Variants in TBC1D32 observed in about 807,000 individuals in gnomAD.
The protein encoded by TBC1D32 is protein broad-minded.
TBC1D32 carries 151 observed loss-of-function variants against 170.3 expected under a neutral mutation model. The observed-to-expected ratio is 0.89, with a 90% confidence interval of 0.78 to 1.01. TBC1D32 has a LOEUF of 1.01. TBC1D32 is among the 50% of genes least tolerant of loss of function. TBC1D32 has a pLI of 0.00. For synonymous variants in TBC1D32, 498 were observed against 488.0 expected (o/e 1.02, Z -0.27); for missense variants, 1,464 against 1,457.1 (o/e 1.00, Z -0.08).
chr6:121,213,292 T>C (rs1056380990), intron 21 of TBC1D32, among the ~76,000 whole-genome samples: 2 of 151,898 alleles, frequency 1.3e-5, no homozygotes, highest in African/African-American at 4.8e-5. Context: ...ATTCTATATC[T>C]AGAGAACCCC....
At chr6:121,299,840 G>A (rs968057608) in intron 9 of TBC1D32, among the ~76,000 whole-genome samples, 2 of 152,034 alleles carry the variant, frequency 1.3e-5, no homozygotes, top group African/African-American at 4.8e-5. Context: ...GATACATAGT[G>A]GGGAAAAAAA....
chr6:121,159,440 A>T (rs1255192800), intron 24 of TBC1D32, among the ~76,000 whole-genome samples: 5 of 152,198 alleles, frequency 3.3e-5, no homozygotes, highest in African/African-American at 1.2e-4. Context: ...TTGCTACTGG[A>T]CAGATCAGCT....
At chr6:121,145,091 G>T (rs1009176812) in intron 24 of TBC1D32, among the ~76,000 whole-genome samples, 9 of 152,126 alleles carry the variant, frequency 5.9e-5, no homozygotes, top group African/African-American at 2.2e-4. Context: ...AGAGTAATGG[G>T]AATACTCAGC....
intron 30 of TBC1D32, among the ~76,000 whole-genome samples, chr6:121,104,152 A>C (rs1164136682): frequency 2.0e-5 from 3 of 151,834 alleles, no homozygotes; most frequent in African/African-American, 4.8e-5. Context: ...CTCATATCAT[A>C]ATATCAAGAA....
At chr6:121,105,524 C>T (rs984910347) in intron 30 of TBC1D32, among the ~76,000 whole-genome samples, 23 of 151,886 alleles carry the variant, frequency 1.5e-4, no homozygotes, top group African/African-American at 5.6e-4. Context: ...TGGCTATACA[C>T]AGAAAGAAGG....
intron 24 of TBC1D32, among the ~76,000 whole-genome samples, chr6:121,143,770 C>G (rs1039844832): frequency 3.3e-5 from 5 of 152,050 alleles, no homozygotes; most frequent in African/African-American, 1.2e-4. Flanking sequence ...CTTTATTTAA[C>G]GGTATTTAAC....
At position 121,303,612 on chromosome 6, in the gene TBC1D32, C is replaced by T. The variant is rs1806815615; in HGVS notation, c.1080+5G>A. On this transcript the variant is annotated splice_donor_5th_base_variant and intron_variant, in intron 9 of 31. Transcript: ENST00000398212. ...AAGGTATAAAAATATTCTATTTTTC[C>T]TTACCATCCACTTTTTGAACCACAC... 2.0e-6 allele frequency: 3 copies of T among 1,528,500 alleles called. No individual in the cohort carries two copies. The highest frequency in any genetic ancestry group is 3.7e-5 in the Admixed American group (2 of 53,830). The allele number at this position is 1,528,500 out of a possible 1,614,324, so 94.7% of individuals were successfully genotyped here. A position where few individuals can be genotyped will look rare whatever the true frequency, so the allele number is the denominator to read the frequency against.
intron 12 of TBC1D32, among the ~76,000 whole-genome samples, chr6:121,286,124 C>G (rs1177840862): frequency 6.6e-6 from 1 of 152,104 alleles, no homozygotes; most frequent in Non-Finnish European, 1.5e-5. Context: ...AGCAACGGAA[C>G]AAAGCTGGAT....
At chr6:121,217,999 T>C (rs183964850) in intron 21 of TBC1D32, among the ~76,000 whole-genome samples, 1 of 152,148 alleles carries the variant, frequency 6.6e-6, no homozygotes, top group East Asian at 1.9e-4. Flanking sequence ...GAGAAAACAT[T>C]ACATTCAGTT....
chr6:121,245,134 A>G (rs1188123694), intron 17 of TBC1D32, among the ~76,000 whole-genome samples: 1 of 152,234 alleles, frequency 6.6e-6, no homozygotes, highest in African/African-American at 2.4e-5. Context: ...GAGTCTGTCC[A>G]CATGACAAAT....
intron 22 of TBC1D32, among the ~76,000 whole-genome samples, chr6:121,185,766 T>C (rs936135309): frequency 2.0e-5 from 3 of 152,082 alleles, no homozygotes; most frequent in Admixed American, 2.0e-4. Flanking sequence ...CACAAAACAC[T>C]GTTTCTGACC....
At chr6:121,081,892 T>G (rs899286838) in intron 31 of TBC1D32, among the ~76,000 whole-genome samples, 2 of 152,024 alleles carry the variant, frequency 1.3e-5, no homozygotes, top group African/African-American at 4.8e-5. Flanking sequence ...ACCAAAAATC[T>G]ACATAGTTTG....
chr6:121,173,437 T>G (rs978740462), intron 22 of TBC1D32, among the ~76,000 whole-genome samples: 4 of 152,034 alleles, frequency 2.6e-5, no homozygotes, highest in African/African-American at 9.7e-5. Context: ...TAAAGAACCC[T>G]GACCAATATG....
At chr6:121,119,304 T>C (rs1780021783) in intron 26 of TBC1D32, among the ~76,000 whole-genome samples, 1 of 152,174 alleles carries the variant, frequency 6.6e-6, no homozygotes, top group African/African-American at 2.4e-5. Flanking sequence ...TTTTCCTTCC[T>C]GAGGAAAGGT....
chr6:121,191,644 G>A (rs1192789953), intron 22 of TBC1D32, among the ~76,000 whole-genome samples: 2 of 151,304 alleles, frequency 1.3e-5, no homozygotes, highest in African/African-American at 4.9e-5. Context: ...TTGGATATTA[G>A]TTGGAGCTTT....
In TBC1D32 at chr6:121,102,048, G is replaced by T. The variant is rs188546458; in HGVS notation, c.3465+3975C>A. Among the ~76,000 whole-genome samples the T allele has an allele frequency of 3.2e-4, 48 of 151,868 alleles. No homozygotes were observed. In the East Asian group the frequency reaches 8.9e-3, roughly 28 times the overall value. The stretch of plus-strand genomic sequence containing the variant: ...ACTTACAAGAGATGTGAAGGACCTC[G>T]TCAAGGAGAACTACAAACCACTACT... On this transcript the variant is annotated intron_variant, in intron 30 of 31. Transcript: ENST00000398212.
rs781507849 is a variant in TBC1D32 at position 121,294,691 on chromosome 6, AC to A, written c.1141-32del. The A allele has an allele frequency of 4.0e-6, 6 of 1,518,570 alleles. No homozygotes were observed. The African/African-American group carries it at 8.2e-5, about 21-fold the overall frequency. 94.1% of individuals were successfully genotyped at this position (1,518,570 alleles called of 1,614,324 possible). A position where few individuals can be genotyped will look rare whatever the true frequency, so the allele number is the denominator to read the frequency against. On this transcript the variant is annotated intron_variant, in intron 10 of 31. Transcript: ENST00000398212. ...GAAATAATAAGTTATTAATTCCAGA[AC>A]TTTGCAGCCCTCAAGTCCAAGAATT...
rs115645921 is a variant in TBC1D32 at position 121,157,228 on chromosome 6, T to C, written c.2773+2782A>G. The stretch of plus-strand genomic sequence containing the variant: ...CATACATATGTAGGATAGCTAAGTC[T>C]TCTTGTTTACTTGAACACTTTATCA... On this transcript the variant is annotated intron_variant, in intron 24 of 31. Transcript: ENST00000398212. Among the ~76,000 whole-genome samples, 1,199 of 152,268 alleles carry C rather than the reference T, an allele frequency of 7.9e-3. 17 individuals are homozygous for C. The highest frequency in any genetic ancestry group is 0.027 in the African/African-American group (1,137 of 41,562).
intron 17 of TBC1D32, among the ~76,000 whole-genome samples, chr6:121,242,867 A>C (rs1797166395): frequency 6.6e-6 from 1 of 152,072 alleles, no homozygotes; most frequent in Admixed American, 6.6e-5. Context: ...ATAAAACTAA[A>C]ATTCTAGATA....
Sources: allele counts gnomAD v4.1 joint callset (sites outside exome capture counted in the v4.1 genomes callset), GRCh38; gene constraint gnomAD v4.1.1; transcripts MANE v1.5; gene names NCBI Gene and HGNC (gene_info 2026-07-23, HGNC 2026-07-21).